Variants in ADRA1B observed in about 807,000 individuals in gnomAD.
The protein encoded by ADRA1B is adrenoceptor alpha 1B.
ADRA1B carries 17 observed loss-of-function variants against 17.9 expected under a neutral mutation model. That is an observed-to-expected ratio of 0.95 (90% confidence interval 0.65 to 1.42). The LOEUF (loss-of-function observed/expected upper bound fraction) is 1.42. Ranked by LOEUF, ADRA1B falls within the 40% of genes most tolerant of loss-of-function variation. ADRA1B has a pLI of 0.00. For synonymous variants in ADRA1B, 366 were observed against 327.6 expected (o/e 1.12, Z -1.27); for missense variants, 681 against 722.1 (o/e 0.94, Z 0.65).
the ADRA1B span, among the ~76,000 whole-genome samples, chr5:159,982,657 C>T: frequency 6.6e-6 from 1 of 152,148 alleles, no homozygotes; most frequent in African/African-American, 2.4e-5. Context: ...CTCCTTTGTA[C>T]CTGGAAGGAA....
In ADRA1B at chr5:159,972,196, T is replaced by C. The variant is rs1755885432; in HGVS notation, c.1267T>C (p.Ser423Pro). The change falls in exon 2 of 2, where the codon TCG (serine) becomes CCG (proline). Residue 423 changes from serine (S) to proline (P), a missense_variant. Ser to Pro is a moderately conservative substitution (Grantham distance 74, BLOSUM62 -1). This residue lies in a region of ADRA1B where 251 missense variants were observed against 224.9 expected (regional missense o/e 1.12). Transcript: ENST00000306675. ...GAGCGGCAGCCAGCGGACCCTGCCC[T>C]CGGCCTCGCCGAGCCCGGGCTACCT... Reference protein sequence around the residue: ...CLSGSQRTLPSASPSPGYLGR... With the variant: ...CLSGSQRTLPPASPSPGYLGR... 7.4e-7 allele frequency: 1 copy of C among 1,354,252 alleles called. No homozygotes were observed. Among genetic ancestry groups the C allele is most frequent in the South Asian group, 1.6e-5 (1 of 60,728 alleles). 83.9% of individuals were successfully genotyped at this position (1,354,252 alleles called of 1,614,324 possible).
At chr5:159,984,792 C>T in the ADRA1B span, among the ~76,000 whole-genome samples, 1 of 151,648 alleles carries the variant, frequency 6.6e-6, no homozygotes, top group Non-Finnish European at 1.5e-5. Flanking sequence ...GTCTACAATC[C>T]CAGCTACTTG....
intron 1 of ADRA1B, among the ~76,000 whole-genome samples, chr5:159,960,415 C>T (rs1177246477): frequency 6.6e-6 from 1 of 152,192 alleles, no homozygotes; most frequent in African/African-American, 2.4e-5. Flanking sequence ...GGGGGTCAAC[C>T]CCATAGTGAG....
intron 1 of ADRA1B, among the ~76,000 whole-genome samples, chr5:159,908,562 T>A (rs1489636716): frequency 2.0e-5 from 3 of 152,020 alleles, no homozygotes; most frequent in African/African-American, 7.2e-5. Context: ...CACTATGGAG[T>A]GGAAGTAGCC....
upstream of ADRA1B, among the ~76,000 whole-genome samples, chr5:159,915,479 T>C (rs1350656214): frequency 2.0e-5 from 3 of 152,234 alleles, no homozygotes. Flanking sequence ...ATACTTTCTC[T>C]TCTAAGTACC....
At chr5:159,883,420 C>A (rs1015882890) in intron 1 of ADRA1B, among the ~76,000 whole-genome samples, 3 of 152,244 alleles carry the variant, frequency 2.0e-5, no homozygotes, top group Admixed American at 1.3e-4. Flanking sequence ...CCTTCTCTAA[C>A]AGACTATCCA....
At chr5:159,865,378 AAAC>A (rs1454834063) in intron 1 of ADRA1B, among the ~76,000 whole-genome samples, 2 of 152,148 alleles carry the variant, frequency 1.3e-5, no homozygotes, top group Non-Finnish European at 2.9e-5. Flanking sequence ...GGGAAAAAAA[AAAC>A]AACACTGTGC....
chr5:159,987,145 G>A, the ADRA1B span, among the ~76,000 whole-genome samples: 1 of 152,226 alleles, frequency 6.6e-6, no homozygotes, highest in African/African-American at 2.4e-5. Context: ...GGACGAGCCC[G>A]GTTCCAGAAA....
the ADRA1B span, among the ~76,000 whole-genome samples, chr5:159,980,418 G>A: frequency 6.6e-6 from 1 of 152,176 alleles, no homozygotes; most frequent in Admixed American, 6.5e-5. Flanking sequence ...AATGAGAAAT[G>A]TTTTCTCTTA....
chr5:159,901,416 AAGGGGGAGGGAGAGGGGGAGGGG>A (rs1754099101), intron 1 of ADRA1B, among the ~76,000 whole-genome samples: 4 of 57,812 alleles, frequency 6.9e-5, no homozygotes, highest in Admixed American at 5.0e-4. Context: ...AGGGGAGGAG[AAGGGGGAGGGAGAGGGGGAGGGG>A]AGGGGGAGGG....
rs1755897098 is a variant in ADRA1B at position 159,972,493 on chromosome 5, G to C, written c.*1G>C. On this transcript the variant is annotated 3_prime_UTR_variant, in exon 2 of 2. Coordinates refer to ENST00000306675, the MANE Select transcript of ADRA1B (RefSeq NM_000679.4). Reference sequence around the variant, plus strand: ...GCCCCTGGCGCCCGGGCAGTTTTAGGGCCCCCGTGCGCAGCTTTCTTTCCC... The same window carrying C: ...GCCCCTGGCGCCCGGGCAGTTTTAGCGCCCCCGTGCGCAGCTTTCTTTCCC... 2 of 1,210,022 alleles carry C rather than the reference G, an allele frequency of 1.7e-6. No individual in the cohort carries two copies. The highest frequency in any genetic ancestry group is 2.1e-6 in the Non-Finnish European group (2 of 951,666). The allele number at this position is 1,210,022 out of a possible 1,614,324, so 75.0% of individuals were successfully genotyped here.
intron 1 of ADRA1B, among the ~76,000 whole-genome samples, chr5:159,891,052 C>T (rs548398751): frequency 6.6e-5 from 10 of 152,306 alleles, no homozygotes; most frequent in African/African-American, 2.4e-4. Context: ...CCAGAATATC[C>T]TACACCTACC....
intron 1 of ADRA1B, among the ~76,000 whole-genome samples, chr5:159,970,666 G>T (rs767008718): frequency 4.6e-5 from 7 of 152,192 alleles, no homozygotes; most frequent in Non-Finnish European, 8.8e-5. Flanking sequence ...TCTCCAGGAT[G>T]TGTGTACAGC....
rs1561608519 is a variant in ADRA1B, at chr5:159,958,832, T to G, written c.950-13047T>G. 2.0e-5 allele frequency among the ~76,000 whole-genome samples: 3 copies of G among 152,218 alleles called. No homozygotes were observed. The South Asian group carries it at 6.2e-4, about 31-fold the overall frequency. On this transcript the variant is annotated intron_variant, in intron 1 of 1. Transcript: ENST00000306675. ...GCTTCTTCATGGTAAGTCCCACCAA[T>G]GCTCAGTTTCTAAAAGTGTTCTGCA...
chr5:159,937,427 A>G (rs1032787967), intron 1 of ADRA1B, among the ~76,000 whole-genome samples: 7 of 150,410 alleles, frequency 4.7e-5, no homozygotes, highest in Middle Eastern at 3.4e-3. Context: ...GCCAGATCCT[A>G]GCCTCTCTTT....
intron 1 of ADRA1B, chr5:159,948,108 T>A (rs1298934005): frequency 2.0e-6 from 2 of 985,344 alleles, no homozygotes; most frequent in Non-Finnish European, 2.4e-6. Flanking sequence ...AAAGTCTCTG[T>A]ACCTTCATCC....
Position 159,971,856 on chromosome 5 carries a change from GCCCACCCCCCTCCCCAC to G in ADRA1B, c.950-22_950-6del. 1 of 1,306,266 alleles carries G rather than the reference GCCCACCCCCCTCCCCAC, an allele frequency of 7.7e-7. No individual in the cohort carries two copies. 80.9% of individuals were successfully genotyped at this position (1,306,266 alleles called of 1,614,324 possible). ...CACAAATTGCTGTCTTTCTGCCCGT[GCCCACCCCCCTCCCCAC>G]TGCAGGCTCCTTGTTCTCCACCCTG... On this transcript the variant is annotated splice_polypyrimidine_tract_variant and splice_region_variant and intron_variant, in intron 1 of 1. Transcript: ENST00000306675.
At chr5:159,875,720 A>G (rs866230572) in intron 1 of ADRA1B, among the ~76,000 whole-genome samples, 2 of 152,184 alleles carry the variant, frequency 1.3e-5, no homozygotes, top group Middle Eastern at 3.2e-3. Flanking sequence ...GTGCCACACA[A>G]GTTCCAGTTT....
intron 1 of ADRA1B, among the ~76,000 whole-genome samples, chr5:159,896,562 A>T (rs1354395242): frequency 6.6e-6 from 1 of 152,236 alleles, no homozygotes; most frequent in Non-Finnish European, 1.5e-5. Flanking sequence ...GCTACTGTTT[A>T]GTGAATGTGG....
Sources: allele counts gnomAD v4.1 joint callset (sites outside exome capture counted in the v4.1 genomes callset), GRCh38; gene constraint gnomAD v4.1.1; regional missense constraint gnomAD v4.1.1; transcripts MANE v1.5; gene names NCBI Gene and HGNC (gene_info 2026-07-23, HGNC 2026-07-21).